The following FOCAD variants were observed in gnomAD, a reference collection of about 807,000 sequenced individuals.
FOCAD encodes KIAA1797.
FOCAD carries 198 observed loss-of-function variants against 225.6 expected under a neutral mutation model. The ratio of observed to expected loss-of-function variants is 0.88; its 90% confidence interval spans 0.78 to 0.99. FOCAD has a LOEUF of 0.99. FOCAD is among the 50% of genes least tolerant of loss of function. The probability of loss-of-function intolerance (pLI) is 0.00; values close to 1 mark genes in which losing one functional copy is unlikely to be tolerated. For synonymous variants in FOCAD, 897 were observed against 755.0 expected, an observed-to-expected ratio of 1.19 and a Z score of -3.08; for missense variants, 2,713 against 2,123.6, an observed-to-expected ratio of 1.28 and a Z score of -5.46.
chr9:20,797,793 C>T (rs1006436968), intron 11 of FOCAD, among the ~76,000 whole-genome samples: 7 of 152,318 alleles, frequency 4.6e-5, no homozygotes, highest in African/African-American at 1.2e-4. Flanking sequence ...CATCTGCAAA[C>T]AGGGACCATT....
chr9:20,811,252 A>G (rs1003636623), intron 11 of FOCAD, among the ~76,000 whole-genome samples: 3 of 152,176 alleles, frequency 2.0e-5, no homozygotes, highest in Middle Eastern at 3.4e-3. Context: ...TGGCAAGTAC[A>G]TGGGTTTTAG....
intron 40 of FOCAD, among the ~76,000 whole-genome samples, chr9:20,987,234 T>C (rs1841263328): frequency 6.6e-6 from 1 of 152,178 alleles, no homozygotes; most frequent in African/African-American, 2.4e-5. Flanking sequence ...TGTAATACTC[T>C]GCAAGACTGT....
chr9:20,981,388 T>C (rs1393790913), intron 37 of FOCAD, 38 bp from the exon 38 acceptor site: 6 of 1,604,052 alleles, frequency 3.7e-6, no homozygotes, highest in Non-Finnish European at 5.1e-6. Flanking sequence ...AACCCAGACT[T>C]GCCTATTTAC....
Position 20,934,131 on chromosome 9 carries a change from T to A in FOCAD, c.3407+1028T>A, listed in dbSNP as rs150905989. On this transcript the variant is annotated intron_variant, in intron 28 of 43. Transcript: ENST00000338382. ...AGTCCTTTGTCAGTTGTATATAGAT[T>A]GTGAAGATTTTCGCCCACTCTGTGG... is the stretch of plus-strand genomic sequence containing the variant. Among the ~76,000 whole-genome samples the A allele has an allele frequency of 3.9e-5, 6 of 152,282 alleles. No homozygotes were observed. In the East Asian group the frequency reaches 1.2e-3, roughly 29 times the overall value.
At chr9:20,955,445 T>A (rs1838048362) in intron 35 of FOCAD, among the ~76,000 whole-genome samples, 1 of 152,132 alleles carries the variant, frequency 6.6e-6, no homozygotes, top group Admixed American at 6.6e-5. Flanking sequence ...CAGACCCACA[T>A]TTTAAAAAGA....
At chr9:20,950,900 A>C in intron 33 of FOCAD, 96 bp from the exon 34 acceptor site, 2 of 1,013,468 alleles carry the variant, frequency 2.0e-6, no homozygotes, top group African/African-American at 1.6e-5. Context: ...CCAAGCCACC[A>C]CCTCCTAAAT....
chr9:20,809,623 G>T (rs1403362277), intron 11 of FOCAD, among the ~76,000 whole-genome samples: 1 of 151,868 alleles, frequency 6.6e-6, no homozygotes. Flanking sequence ...TTGTTCTTTT[G>T]TCTTACTTTT....
chr9:20,692,647 A>G (rs1823043903), intron 1 of FOCAD, among the ~76,000 whole-genome samples: 1 of 152,160 alleles, frequency 6.6e-6, no homozygotes, highest in Non-Finnish European at 1.5e-5. Flanking sequence ...GCCTCAGCTG[A>G]GATGGCTTAT....
At chr9:20,822,193 A>T (rs1221620477) in intron 14 of FOCAD, among the ~76,000 whole-genome samples, 1 of 151,934 alleles carries the variant, frequency 6.6e-6, no homozygotes, top group Admixed American at 6.6e-5. Context: ...CTGCTAACTT[A>T]TTTAGTATTC....
intron 19 of FOCAD, 87 bp from the exon 20 acceptor site, chr9:20,881,784 G>A: frequency 4.5e-6 from 6 of 1,328,742 alleles, no homozygotes; most frequent in Non-Finnish European, 6.3e-6. Flanking sequence ...ATGTAGCTTA[G>A]TTGTTTGTAT....
At chr9:20,772,806 C>G (rs1254092616) in intron 8 of FOCAD, among the ~76,000 whole-genome samples, 1 of 151,754 alleles carries the variant, frequency 6.6e-6, no homozygotes, top group East Asian at 1.9e-4. Context: ...GTCAATTTGC[C>G]AATCTTATGA....
At chr9:20,820,143 C>G (rs893084694) in intron 12 of FOCAD, among the ~76,000 whole-genome samples, 181 bp from the exon 13 acceptor site, 7 of 151,806 alleles carry the variant, frequency 4.6e-5, no homozygotes, top group Non-Finnish European at 1.0e-4. Context: ...TCCTTATGTC[C>G]CCAGGATTGT....
At chr9:20,723,236 C>T (rs1164793118) in intron 4 of FOCAD, among the ~76,000 whole-genome samples, 1 of 152,098 alleles carries the variant, frequency 6.6e-6, no homozygotes, top group Non-Finnish European at 1.5e-5. Flanking sequence ...GCCCGTAATC[C>T]CAATACTTCG....
intron 29 of FOCAD, among the ~76,000 whole-genome samples, chr9:20,946,035 A>C (rs1837140633): frequency 6.6e-6 from 1 of 152,134 alleles, no homozygotes; most frequent in South Asian, 2.1e-4. Flanking sequence ...CATATTCCCA[A>C]ATCTTGGCTC....
chr9:20,724,516 G>A (rs527743788), intron 4 of FOCAD, among the ~76,000 whole-genome samples: 1 of 152,254 alleles, frequency 6.6e-6, no homozygotes, highest in Non-Finnish European at 1.5e-5. Context: ...TCCACAGGGA[G>A]ATATAGACAG....
chr9:20,783,131 A>G (rs1255852612), intron 10 of FOCAD, among the ~76,000 whole-genome samples: 1 of 152,178 alleles, frequency 6.6e-6, no homozygotes, highest in Non-Finnish European at 1.5e-5. Context: ...TTTAAATCAC[A>G]AGTGTTATTT....
At chr9:20,843,755 A>G (rs1313193894) in intron 15 of FOCAD, among the ~76,000 whole-genome samples, 1 of 152,040 alleles carries the variant, frequency 6.6e-6, no homozygotes, top group African/African-American at 2.4e-5. Flanking sequence ...TCTATAGTTC[A>G]TGTATACAGC....
intron 2 of FOCAD, among the ~76,000 whole-genome samples, chr9:20,659,039 C>T (rs1238622695): frequency 6.6e-6 from 1 of 152,094 alleles, no homozygotes; most frequent in East Asian, 1.9e-4. Context: ...GCCAGCATGG[C>T]AAAACCCCAT....
intron 11 of FOCAD, among the ~76,000 whole-genome samples, chr9:20,815,700 A>G (rs1823660045): frequency 6.6e-6 from 1 of 152,112 alleles, no homozygotes; most frequent in African/African-American, 2.4e-5. Context: ...GCATTGAGTT[A>G]TATGAAGCCA....
Sources: gnomAD v4.1 joint callset for allele counts (sites outside exome capture counted in the v4.1 genomes callset) on GRCh38, gnomAD v4.1.1 for gene constraint, MANE v1.5 for transcripts, NCBI Gene and HGNC (gene_info 2026-07-23, HGNC 2026-07-21) for gene names.